Variants in FHIT observed in about 807,000 individuals in gnomAD.
FHIT encodes the protein fragile histidine triad diadenosine triphosphatase.
FHIT carries 19 observed loss-of-function variants against 17.9 expected under a neutral mutation model. The ratio of observed to expected loss-of-function variants is 1.06; its 90% CI spans 0.74 to 1.56. The LOEUF (loss-of-function observed/expected upper bound fraction) is 1.56. Ranked by LOEUF, FHIT falls within the 40% of genes most tolerant of loss-of-function variation. The probability of loss-of-function intolerance (pLI) is 0.00; values close to 1 mark genes in which losing one functional copy is unlikely to be tolerated. For synonymous variants in FHIT, 81 were observed against 69.7 expected (o/e 1.16, Z -0.81); for missense variants, 248 against 189.2 (o/e 1.31, Z -1.82).
chr3:60,252,074 T>C (rs1321264170), intron 5 of FHIT, among the ~76,000 whole-genome samples: 1 of 152,188 alleles, frequency 6.6e-6, no homozygotes, highest in Non-Finnish European at 1.5e-5. Flanking sequence ...TATGCCTAAC[T>C]TAATCATTGG....
intron 4 of FHIT, among the ~76,000 whole-genome samples, chr3:60,716,572 T>C (rs1410769468): frequency 6.6e-6 from 1 of 152,156 alleles, no homozygotes; most frequent in Admixed American, 6.6e-5. Context: ...TGCCTTCTTC[T>C]GAATACCTCC....
At chr3:60,028,460 C>A (rs1404332797) in intron 5 of FHIT, among the ~76,000 whole-genome samples, 1 of 152,196 alleles carries the variant, frequency 6.6e-6, no homozygotes, top group Non-Finnish European at 1.5e-5. Context: ...CTTCCAAAGT[C>A]TGTCAGTGAC....
chr3:60,071,853 A>C (rs929942424), intron 5 of FHIT, among the ~76,000 whole-genome samples: 4 of 152,196 alleles, frequency 2.6e-5, no homozygotes, highest in South Asian at 2.1e-4. Context: ...ATAGTGAATA[A>C]GTCTAATGAG....
chr3:60,937,566 TC>T (rs1553773417), intron 3 of FHIT, among the ~76,000 whole-genome samples: 2 of 53,656 alleles, frequency 3.7e-5, no homozygotes, highest in Non-Finnish European at 1.1e-4. Context: ...TCTTTTCTTT[TC>T]TTTTTTTTTT....
At chr3:60,579,986 T>C (rs1271803545) in intron 4 of FHIT, among the ~76,000 whole-genome samples, 1 of 152,126 alleles carries the variant, frequency 6.6e-6, no homozygotes, top group Non-Finnish European at 1.5e-5. Context: ...GCAGCCTCCG[T>C]GCAATAGCAG....
chr3:60,064,169 G>T (rs1303827393), intron 5 of FHIT, among the ~76,000 whole-genome samples: 1 of 152,134 alleles, frequency 6.6e-6, no homozygotes, highest in African/African-American at 2.4e-5. Flanking sequence ...CTTCCTGCCT[G>T]AAGTTATAGG....
chr3:60,907,839 C>T (rs1706517573), intron 3 of FHIT, among the ~76,000 whole-genome samples: 1 of 152,090 alleles, frequency 6.6e-6, no homozygotes, highest in Admixed American at 6.6e-5. Context: ...GAGAGGTTTG[C>T]AATACTAACT....
intron 5 of FHIT, among the ~76,000 whole-genome samples, chr3:60,490,787 G>T (rs188706440): frequency 5.3e-5 from 8 of 152,116 alleles, no homozygotes; most frequent in Non-Finnish European, 1.2e-4. Context: ...CCCTTCACAT[G>T]ATTTAACAAA....
At chr3:59,998,063 T>C (rs934545293) in intron 7 of FHIT, among the ~76,000 whole-genome samples, 1 of 152,088 alleles carries the variant, frequency 6.6e-6, no homozygotes, top group Non-Finnish European at 1.5e-5. Context: ...TGACTGCCCG[T>C]AGAAATCTGT....
intron 3 of FHIT, among the ~76,000 whole-genome samples, chr3:60,903,068 C>T (rs1706206477): frequency 6.6e-6 from 1 of 152,132 alleles, no homozygotes; most frequent in African/African-American, 2.4e-5. Context: ...TAATTCCTTA[C>T]CCATTCTAAA....
At chr3:61,037,689 T>C (rs2033322867) in intron 3 of FHIT, among the ~76,000 whole-genome samples, 2 of 152,162 alleles carry the variant, frequency 1.3e-5, no homozygotes, top group African/African-American at 2.4e-5. Flanking sequence ...CAGAATGGAT[T>C]CCTGATAAAA....
intron 5 of FHIT, among the ~76,000 whole-genome samples, chr3:60,026,998 C>T (rs1700765462): frequency 6.6e-6 from 1 of 151,876 alleles, no homozygotes; most frequent in South Asian, 2.1e-4. Context: ...ACTCGGAAAG[C>T]TGAGGCAGGA....
intron 5 of FHIT, among the ~76,000 whole-genome samples, chr3:60,099,796 G>A (rs1704115144): frequency 6.6e-6 from 1 of 152,156 alleles, no homozygotes; most frequent in South Asian, 2.1e-4. Context: ...TTGGGACACA[G>A]CTCCATCATA....
At chr3:60,901,032 CTTTG>C (rs1158771068) in intron 3 of FHIT, among the ~76,000 whole-genome samples, 8 of 152,142 alleles carry the variant, frequency 5.3e-5, no homozygotes, top group South Asian at 2.1e-4. Context: ...AAACTTACTT[CTTTG>C]TTTGTCTTCT....
chr3:61,026,754 C>T (rs893847956), intron 3 of FHIT, among the ~76,000 whole-genome samples: 2 of 152,004 alleles, frequency 1.3e-5, no homozygotes, highest in East Asian at 1.9e-4. Context: ...AAAGATTGGA[C>T]GCCGCTGCTA....
chr3:60,057,399 C>G (rs1702123904), intron 5 of FHIT, among the ~76,000 whole-genome samples: 1 of 152,146 alleles, frequency 6.6e-6, no homozygotes, highest in Admixed American at 6.5e-5. Context: ...TGCTTAGAGG[C>G]CCAGTTTAAA....
At chr3:60,073,707 T>C (rs989551388) in intron 5 of FHIT, among the ~76,000 whole-genome samples, 16 of 152,104 alleles carry the variant, frequency 1.1e-4, no homozygotes, top group African/African-American at 3.6e-4. Context: ...TGGAAAGGTA[T>C]TTTCAGTGCC....
At chr3:60,054,617 A>G (rs561753202) in intron 5 of FHIT, among the ~76,000 whole-genome samples, 2 of 152,324 alleles carry the variant, frequency 1.3e-5, no homozygotes, top group East Asian at 1.9e-4. Flanking sequence ...AATACTGAGA[A>G]CATGGCAACA....
intron 5 of FHIT, among the ~76,000 whole-genome samples, chr3:60,295,317 T>C (rs1432234473): frequency 1.3e-5 from 2 of 152,042 alleles, no homozygotes; most frequent in Non-Finnish European, 2.9e-5. Flanking sequence ...GAAAAAAGGT[T>C]TATTTGGCTC....
Sources: gnomAD v4.1 joint callset for allele counts (sites outside exome capture counted in the v4.1 genomes callset) on GRCh38, gnomAD v4.1.1 for gene constraint, MANE v1.5 for transcripts, NCBI Gene and HGNC (gene_info 2026-07-23, HGNC 2026-07-21) for gene names.